Variants in CTXN1 observed in about 807,000 individuals in gnomAD.
CTXN1 encodes the protein cortexin 1.
In CTXN1, 4 loss-of-function variants were observed where a neutral mutation model predicts 5.5. The ratio of observed to expected loss-of-function variants is 0.73; its 90% confidence interval spans 0.36 to 1.68. The LOEUF (loss-of-function observed/expected upper bound fraction) is 1.68, where lower values mean the gene tolerates loss of function less well. Among genes scored for constraint, CTXN1 ranks in the 40% most tolerant of loss-of-function variants. CTXN1 has a pLI of 0.05. For missense variants in CTXN1, 111 were observed against 123.0 expected, an observed-to-expected ratio of 0.90 and a Z score of 0.46; for synonymous variants, 67 against 62.8, an observed-to-expected ratio of 1.07 and a Z score of -0.32.
In CTXN1 at chr19:7,925,230, C is replaced by T; in HGVS notation, c.*60G>A. The T allele has an allele frequency of 1.6e-6, 2 of 1,237,032 alleles. No homozygotes were observed. The highest frequency in any genetic ancestry group is 2.0e-6 in the Non-Finnish European group (2 of 986,188). The allele number at this position is 1,237,032 out of a possible 1,614,324, so 76.6% of individuals were successfully genotyped here. A position where few individuals can be genotyped will look rare whatever the true frequency, so the allele number is the denominator to read the frequency against. ...AGCGCAGTCCTGGCCCCGCGGCGCC[C>T]CCCGCCGGGCCGGCCCTCTGAGACC... On this transcript the variant is annotated 3_prime_UTR_variant, in exon 2 of 2. Transcript: ENST00000318978. The surrounding 1 kb of genome is among the most constrained non-coding windows in gnomAD (Gnocchi z 5.0).
Position 7,924,550 on chromosome 19 carries a change from TGGAAC to T in CTXN1, c.*735_*739del, listed in dbSNP as rs1983714055. On this transcript the variant is annotated 3_prime_UTR_variant, in exon 2 of 2. Transcript: ENST00000318978. ...TGTTCGGCTCAGAGGCAGGGAGGAG[TGGAAC>T]GGCATGGGAGGGCTGCGGGAGGCAC... The T allele has an allele frequency of 7.1e-6, 1 of 141,302 alleles. No individual in the cohort carries two copies. Among genetic ancestry groups the T allele is most frequent in the African/African-American group, 2.7e-5 (1 of 37,254 alleles). 8.8% of individuals were successfully genotyped at this position (141,302 alleles called of 1,614,324 possible). A position where few individuals can be genotyped will look rare whatever the true frequency, so the allele number is the denominator to read the frequency against.
rs1983739397 is a variant in CTXN1, at chr19:7,925,158, C to G, written c.*132G>C. The G allele has an allele frequency of 1.6e-6, 1 of 639,568 alleles. No individual in the cohort carries two copies. Among genetic ancestry groups the G allele is most frequent in the African/African-American group, 1.9e-5 (1 of 52,288 alleles). 39.6% of individuals were successfully genotyped at this position (639,568 alleles called of 1,614,324 possible). ...GGGGGAGGGGCTGGGCTTCTCCCAA[C>G]TCCCTCCCCCTCTCCCCCGGGCTGG... On this transcript the variant is annotated 3_prime_UTR_variant, in exon 2 of 2. Transcript: ENST00000318978. The surrounding 1 kb of genome is among the most constrained non-coding windows in gnomAD (Gnocchi z 5.0).
Position 7,925,655 on chromosome 19 carries a change from C to A in CTXN1, c.-20-97G>T. The A allele has an allele frequency of 9.2e-7, 1 of 1,088,202 alleles. No individual in the cohort carries two copies. The highest frequency in any genetic ancestry group is 1.2e-6 in the Non-Finnish European group (1 of 850,130). 67.4% of individuals were successfully genotyped at this position (1,088,202 alleles called of 1,614,324 possible). A position where few individuals can be genotyped will look rare whatever the true frequency, so the allele number is the denominator to read the frequency against. On this transcript the variant is annotated intron_variant, in intron 1 of 1. Coordinates refer to ENST00000318978, the MANE Select transcript of CTXN1 (RefSeq NM_206833.4). This position sits in a 1 kb window ranked among gnomAD's most constrained non-coding sequence, Gnocchi z 5.0. ...CGCCCCCTCCTGCCGCCGCCGCCGC[C>A]GCCTCCCTTAACGTGCCCGACCCCA...
Position 7,925,193 on chromosome 19 carries a change from G to A in CTXN1, c.*97C>T, listed in dbSNP as rs1983741815. The A allele has an allele frequency of 2.0e-6, 2 of 996,440 alleles. No homozygotes were observed. Among genetic ancestry groups the A allele is most frequent in the African/African-American group, 3.4e-5 (2 of 59,012 alleles). 61.7% of individuals were successfully genotyped at this position (996,440 alleles called of 1,614,324 possible). ...CTCTCCCCCGGGCTGGGGGCTCCGGGGCGGGATCCTGAGCGCAGTCCTGGC... is the reference window on the plus strand; with the variant it reads ...CTCTCCCCCGGGCTGGGGGCTCCGGAGCGGGATCCTGAGCGCAGTCCTGGC... On this transcript the variant is annotated 3_prime_UTR_variant, in exon 2 of 2. Coordinates refer to ENST00000318978, the MANE Select transcript of CTXN1 (RefSeq NM_206833.4). This position sits in a 1 kb window ranked among gnomAD's most constrained non-coding sequence, Gnocchi z 5.0.
chr19:7,925,840 C>G lies in CTXN1; in HGVS notation c.-21+127G>C, dbSNP rs1418430176. The G allele has an allele frequency of 1.3e-5, 3 of 230,678 alleles. No homozygotes were observed. Among genetic ancestry groups the G allele is most frequent in the African/African-American group, 4.6e-5 (2 of 43,538 alleles). 14.3% of individuals were successfully genotyped at this position (230,678 alleles called of 1,614,324 possible). A position where few individuals can be genotyped will look rare whatever the true frequency, so the allele number is the denominator to read the frequency against. ...CGGCCTGGGCCGCACACAACAGGTG[C>G]GAAAGCGCGGCCGCGGCCCGGGCGC... On this transcript the variant is annotated intron_variant, in intron 1 of 1. Coordinates refer to ENST00000318978, the MANE Select transcript of CTXN1 (RefSeq NM_206833.4). This position sits in a 1 kb window ranked among gnomAD's most constrained non-coding sequence, Gnocchi z 5.0.
Position 7,925,447 on chromosome 19 carries a change from A to T in CTXN1, c.92T>A (p.Val31Glu). 6.3e-7 allele frequency: 1 copy of T among 1,579,146 alleles called. No individual in the cohort carries two copies. Among genetic ancestry groups the T allele is most frequent in the Non-Finnish European group, 8.6e-7 (1 of 1,169,204 alleles). Residue 31 changes from valine to glutamate, a missense_variant, in exon 2 of 2, where the codon GTG becomes GAG. Physicochemically the swap from Val to Glu is moderately radical, Grantham distance 121 (BLOSUM62 -2). Coordinates refer to ENST00000318978, the MANE Select transcript of CTXN1 (RefSeq NM_206833.4). The surrounding 1 kb of genome is among the most constrained non-coding windows in gnomAD (Gnocchi z 5.0). ...GAGLDAEQRT[V>E]FAFVLCLLVV... ...GAGCAGGCAGAGCACGAAGGCGAACACCGTGCGCTGCTCCGCGTCCAGGCC... is the reference window on the plus strand; with the variant it reads ...GAGCAGGCAGAGCACGAAGGCGAACTCCGTGCGCTGCTCCGCGTCCAGGCC...
In CTXN1 at chr19:7,925,624, C is replaced by G. The variant is rs1161299547; in HGVS notation, c.-20-66G>C. On this transcript the variant is annotated intron_variant, in intron 1 of 1. Coordinates refer to ENST00000318978, the MANE Select transcript of CTXN1 (RefSeq NM_206833.4). The surrounding 1 kb of genome is among the most constrained non-coding windows in gnomAD (Gnocchi z 5.0). The stretch of plus-strand genomic sequence containing the variant: ...CTGCGCCCTCCCTCCCGCGCCTCCT[C>G]CGCTTCGCCCCCTCCTGCCGCCGCC... 4.0e-6 allele frequency: 5 copies of G among 1,241,944 alleles called. No individual in the cohort carries two copies. In the African/African-American group the frequency reaches 7.9e-5, roughly 20 times the overall value. The allele number at this position is 1,241,944 out of a possible 1,614,324, so 76.9% of individuals were successfully genotyped here.
At position 7,925,348 on chromosome 19, in the gene CTXN1, G is replaced by A; in HGVS notation, c.191C>T (p.Ser64Phe). 9 of 1,576,206 alleles carry A rather than the reference G, an allele frequency of 5.7e-6. No individual in the cohort carries two copies. Among genetic ancestry groups the A allele is most frequent in the Non-Finnish European group, 6.9e-6 (8 of 1,166,986 alleles). The change falls in exon 2 of 2, where the codon TCC (serine) becomes TTC (phenylalanine). Residue 64 changes from serine (S) to phenylalanine (F), a missense_variant. By Grantham distance (155) the Ser-to-Phe change is radical (BLOSUM62 -2). Coordinates refer to ENST00000318978, the MANE Select transcript of CTXN1 (RefSeq NM_206833.4). This position sits in a 1 kb window ranked among gnomAD's most constrained non-coding sequence, Gnocchi z 5.0. ...GAGCGCCTCCTTGTGGTCGGTCCAG[G>A]ACGAGGCGGGCATGCGGCTGTAGGG... is the stretch of plus-strand genomic sequence containing the variant. ...LDPYSRMPAS[S>F]WTDHKEALER...
Position 7,924,557 on chromosome 19 carries a change from G to C in CTXN1, c.*733C>G, listed in dbSNP as rs1983714353. On this transcript the variant is annotated 3_prime_UTR_variant, in exon 2 of 2. Transcript: ENST00000318978. Reference sequence around the variant, plus strand: ...CTCAGAGGCAGGGAGGAGTGGAACGGCATGGGAGGGCTGCGGGAGGCACGG... The same window carrying C: ...CTCAGAGGCAGGGAGGAGTGGAACGCCATGGGAGGGCTGCGGGAGGCACGG... The C allele has an allele frequency of 1.3e-5, 2 of 152,298 alleles. No homozygotes were observed. The highest frequency in any genetic ancestry group is 2.9e-5 in the Non-Finnish European group (2 of 68,146). The allele number at this position is 152,298 out of a possible 1,614,324, so 9.4% of individuals were successfully genotyped here.
chr19:7,925,374 G>T lies in CTXN1; in HGVS notation c.165C>A (p.Asp55Glu). The change falls in exon 2 of 2, where the codon GAC becomes GAA. Residue 55 changes from aspartate to glutamate, a missense_variant. Asp to Glu is a conservative substitution (Grantham distance 45, BLOSUM62 2). Transcript: ENST00000318978. The surrounding 1 kb of genome is among the most constrained non-coding windows in gnomAD (Gnocchi z 5.0). Reference protein sequence around the residue: ...LMVRCVRILLDPYSRMPASSW... With the variant: ...LMVRCVRILLEPYSRMPASSW... ...ACGAGGCGGGCATGCGGCTGTAGGG[G>T]TCGAGCAGGATGCGCACGCAGCGCA... 4 of 1,583,172 alleles carry T rather than the reference G, an allele frequency of 2.5e-6. No homozygotes were observed. The highest frequency in any genetic ancestry group is 3.4e-6 in the Non-Finnish European group (4 of 1,170,056).
chr19:7,925,850 G>C lies in CTXN1; in HGVS notation c.-21+117C>G, dbSNP rs1055188296. 11 of 203,130 alleles carry C rather than the reference G, an allele frequency of 5.4e-5. No individual in the cohort carries two copies. 12.6% of individuals were successfully genotyped at this position (203,130 alleles called of 1,614,324 possible). A position where few individuals can be genotyped will look rare whatever the true frequency, so the allele number is the denominator to read the frequency against. ...CGCACACAACAGGTGCGAAAGCGCG[G>C]CCGCGGCCCGGGCGCGCGGCGTGGG... On this transcript the variant is annotated intron_variant, in intron 1 of 1. Coordinates refer to ENST00000318978, the MANE Select transcript of CTXN1 (RefSeq NM_206833.4). This position sits in a 1 kb window ranked among gnomAD's most constrained non-coding sequence, Gnocchi z 5.0.
At position 7,925,358 on chromosome 19, in the gene CTXN1, G is replaced by A; in HGVS notation, c.181C>T (p.Pro61Ser). The change falls in exon 2 of 2, where the codon CCC becomes TCC. Residue 61 changes from proline to serine, a missense_variant. By Grantham distance (74) the Pro-to-Ser change is moderately conservative. Coordinates refer to ENST00000318978, the MANE Select transcript of CTXN1 (RefSeq NM_206833.4). The surrounding 1 kb of genome is among the most constrained non-coding windows in gnomAD (Gnocchi z 5.0). ...RILLDPYSRM[P>S]ASSWTDHKEA... is the part of the protein sequence containing the mutation. ...TTGTGGTCGGTCCAGGACGAGGCGGGCATGCGGCTGTAGGGGTCGAGCAGG... is the reference window on the plus strand; with the variant it reads ...TTGTGGTCGGTCCAGGACGAGGCGGACATGCGGCTGTAGGGGTCGAGCAGG... 1.9e-6 allele frequency: 3 copies of A among 1,577,096 alleles called. No individual in the cohort carries two copies. The highest frequency in any genetic ancestry group is 2.6e-6 in the Non-Finnish European group (3 of 1,167,378).
chr19:7,925,585 C>G lies in CTXN1; in HGVS notation c.-20-27G>C. ...TGCGGAGGAGGGGACCCGCCCCGGG[C>G]GCCGGGGATGAGGCTGCGCCCTCCC... On this transcript the variant is annotated intron_variant, in intron 1 of 1. Transcript: ENST00000318978. This position sits in a 1 kb window ranked among gnomAD's most constrained non-coding sequence, Gnocchi z 5.0. 1 of 1,319,916 alleles carries G rather than the reference C, an allele frequency of 7.6e-7. No individual in the cohort carries two copies. Among genetic ancestry groups the G allele is most frequent in the Non-Finnish European group, 9.6e-7 (1 of 1,041,788 alleles). 81.8% of individuals were successfully genotyped at this position (1,319,916 alleles called of 1,614,324 possible).
chr19:7,925,137 G>A lies in CTXN1; in HGVS notation c.*153C>T. ...GGGACATGGGAGGGGTCTCGAGGGGGAGGGGCTGGGCTTCTCCCAACTCCC... is the reference window on the plus strand; with the variant it reads ...GGGACATGGGAGGGGTCTCGAGGGGAAGGGGCTGGGCTTCTCCCAACTCCC... On this transcript the variant is annotated 3_prime_UTR_variant, in exon 2 of 2. Coordinates refer to ENST00000318978, the MANE Select transcript of CTXN1 (RefSeq NM_206833.4). The surrounding 1 kb of genome is among the most constrained non-coding windows in gnomAD (Gnocchi z 5.0). 2.1e-6 allele frequency: 1 copy of A among 484,126 alleles called. No homozygotes were observed. The highest frequency in any genetic ancestry group is 5.8e-4 in the Middle Eastern group (1 of 1,726). 30.0% of individuals were successfully genotyped at this position (484,126 alleles called of 1,614,324 possible).
At position 7,925,644 on chromosome 19, in the gene CTXN1, G is replaced by A; in HGVS notation, c.-20-86C>T. On this transcript the variant is annotated intron_variant, in intron 1 of 1. Transcript: ENST00000318978. The surrounding 1 kb of genome is among the most constrained non-coding windows in gnomAD (Gnocchi z 5.0). ...CTCCTCCGCTTCGCCCCCTCCTGCC[G>A]CCGCCGCCGCCGCCTCCCTTAACGT... The A allele has an allele frequency of 2.7e-6, 3 of 1,095,344 alleles. No individual in the cohort carries two copies. Among genetic ancestry groups the A allele is most frequent in the Non-Finnish European group, 3.5e-6 (3 of 856,714 alleles). 67.9% of individuals were successfully genotyped at this position (1,095,344 alleles called of 1,614,324 possible).
Position 7,926,128 on chromosome 19 carries a change from C to G in CTXN1, c.-182G>C, listed in dbSNP as rs1212981461. Reference sequence around the variant, plus strand: ...CTGGAGCGGCGGAGACCGAGGCAGGCAAGCAGCGCGCGAGCCGGGCCGCCG... The same window carrying G: ...CTGGAGCGGCGGAGACCGAGGCAGGGAAGCAGCGCGCGAGCCGGGCCGCCG... On this transcript the variant is annotated 5_prime_UTR_variant, in exon 1 of 2. Transcript: ENST00000318978. The G allele has an allele frequency of 1.4e-5, 2 of 147,226 alleles. No individual in the cohort carries two copies. The highest frequency in any genetic ancestry group is 3.0e-5 in the Non-Finnish European group (2 of 66,226). 9.1% of individuals were successfully genotyped at this position (147,226 alleles called of 1,614,324 possible). A position where few individuals can be genotyped will look rare whatever the true frequency, so the allele number is the denominator to read the frequency against.
chr19:7,925,206 G>T lies in CTXN1; in HGVS notation c.*84C>A. The T allele has an allele frequency of 9.1e-7, 1 of 1,097,898 alleles. No individual in the cohort carries two copies. The highest frequency in any genetic ancestry group is 1.2e-6 in the Non-Finnish European group (1 of 861,710). 68.0% of individuals were successfully genotyped at this position (1,097,898 alleles called of 1,614,324 possible). Reference sequence around the variant, plus strand: ...TGGGGGCTCCGGGGCGGGATCCTGAGCGCAGTCCTGGCCCCGCGGCGCCCC... The same window carrying T: ...TGGGGGCTCCGGGGCGGGATCCTGATCGCAGTCCTGGCCCCGCGGCGCCCC... On this transcript the variant is annotated 3_prime_UTR_variant, in exon 2 of 2. Coordinates refer to ENST00000318978, the MANE Select transcript of CTXN1 (RefSeq NM_206833.4). This position sits in a 1 kb window ranked among gnomAD's most constrained non-coding sequence, Gnocchi z 5.0.
In CTXN1 at chr19:7,925,502, G is replaced by A; in HGVS notation, c.37C>T (p.Pro13Ser). ...ATWTLSPEPL[P>S]PSTGPPVGAG... ...CCCACCGGGGGCCCCGTCGACGGCGGCAGGGGCTCCGGCGACAGCGTCCAC... is the reference window on the plus strand; with the variant it reads ...CCCACCGGGGGCCCCGTCGACGGCGACAGGGGCTCCGGCGACAGCGTCCAC... The change falls in exon 2 of 2, where the codon CCG becomes TCG. Residue 13 changes from proline to serine, a missense_variant. Physicochemically the swap from Pro to Ser is moderately conservative, Grantham distance 74. Transcript: ENST00000318978. The surrounding 1 kb of genome is among the most constrained non-coding windows in gnomAD (Gnocchi z 5.0). The A allele has an allele frequency of 6.0e-6, 9 of 1,511,314 alleles. No individual in the cohort carries two copies. Among genetic ancestry groups the A allele is most frequent in the South Asian group, 3.7e-5 (3 of 81,982 alleles). The allele number at this position is 1,511,314 out of a possible 1,614,324, so 93.6% of individuals were successfully genotyped here. A position where few individuals can be genotyped will look rare whatever the true frequency, so the allele number is the denominator to read the frequency against.
chr19:7,925,629 T>C lies in CTXN1; in HGVS notation c.-20-71A>G. 1 of 1,228,190 alleles carries C rather than the reference T, an allele frequency of 8.1e-7. No individual in the cohort carries two copies. Among genetic ancestry groups the C allele is most frequent in the Non-Finnish European group, 1.0e-6 (1 of 973,544 alleles). 76.1% of individuals were successfully genotyped at this position (1,228,190 alleles called of 1,614,324 possible). On this transcript the variant is annotated intron_variant, in intron 1 of 1. Coordinates refer to ENST00000318978, the MANE Select transcript of CTXN1 (RefSeq NM_206833.4). The surrounding 1 kb of genome is among the most constrained non-coding windows in gnomAD (Gnocchi z 5.0). ...CCCTCCCTCCCGCGCCTCCTCCGCT[T>C]CGCCCCCTCCTGCCGCCGCCGCCGC...
Sources: gnomAD v4.1 joint callset for allele counts on GRCh38, gnomAD v4.1.1 for gene constraint, Gnocchi (gnomAD v3.1) non-coding constraint, MANE v1.5 for transcripts, NCBI Gene and HGNC (gene_info 2026-07-23, HGNC 2026-07-21) for gene names.